Variants in CHCHD3 observed in about 807,000 individuals in gnomAD.
CHCHD3 encodes the protein MICOS complex subunit MIC19.
A neutral mutation model predicts 38.2 loss-of-function variants in CHCHD3; 20 were observed. That is an observed-to-expected ratio of 0.52 (90% CI 0.37 to 0.76). The LOEUF (loss-of-function observed/expected upper bound fraction) is 0.76. CHCHD3 is among the 30% of genes least tolerant of loss of function. CHCHD3 has a pLI of 0.00. For synonymous variants in CHCHD3, 82 were observed against 100.0 expected (o/e 0.82, Z 1.07); for missense variants, 245 against 279.2 (o/e 0.88, Z 0.87).
chr7:132,896,651 G>A (rs1290551007), intron 4 of CHCHD3, among the ~76,000 whole-genome samples: 1 of 152,102 alleles, frequency 6.6e-6, no homozygotes, highest in Non-Finnish European at 1.5e-5. Context: ...TCTAACACAA[G>A]CAGTCTTATC....
At chr7:132,985,011 G>A (rs1289657223) in intron 3 of CHCHD3, among the ~76,000 whole-genome samples, 2 of 89,492 alleles carry the variant, frequency 2.2e-5, no homozygotes, top group South Asian at 3.7e-4. Context: ...CAGCCGCCCC[G>A]TCTGGGAGGG....
intron 3 of CHCHD3, among the ~76,000 whole-genome samples, chr7:133,014,438 A>T (rs1812969053): frequency 6.6e-6 from 1 of 152,192 alleles, no homozygotes; most frequent in African/African-American, 2.4e-5. Flanking sequence ...AATTGCTCCC[A>T]TCGTGGCTGA....
chr7:132,879,909 A>C (rs1344666676), intron 5 of CHCHD3, among the ~76,000 whole-genome samples: 1 of 152,080 alleles, frequency 6.6e-6, no homozygotes, highest in Non-Finnish European at 1.5e-5. Context: ...TCGATATTAA[A>C]ATAACTCTTA....
At chr7:132,796,004 C>T (rs1345458959) in intron 7 of CHCHD3, among the ~76,000 whole-genome samples, 2 of 151,832 alleles carry the variant, frequency 1.3e-5, no homozygotes, top group African/African-American at 4.8e-5. Context: ...AAGCGTTGGA[C>T]AGTGACTGAA....
intron 2 of CHCHD3, among the ~76,000 whole-genome samples, chr7:133,027,443 AGGGAG>A (rs1319853899): frequency 8.6e-5 from 3 of 34,818 alleles, no homozygotes; most frequent in Admixed American, 4.3e-4. Flanking sequence ...GGAGGGAGGG[AGGGAG>A]GGGGGGAGAG....
intron 5 of CHCHD3, among the ~76,000 whole-genome samples, chr7:132,850,449 T>TG (rs1491163313): frequency 5.7e-5 from 2 of 35,002 alleles, no homozygotes; most frequent in African/African-American, 9.6e-5. Flanking sequence ...TTTTTTTTTT[T>TG]GTTTTTTTTT....
chr7:133,036,504 C>T (rs1190871203), intron 2 of CHCHD3, among the ~76,000 whole-genome samples: 1 of 151,944 alleles, frequency 6.6e-6, no homozygotes, highest in Admixed American at 6.6e-5. Flanking sequence ...GGGTATATAC[C>T]ATAGGATTGT....
intron 5 of CHCHD3, among the ~76,000 whole-genome samples, chr7:132,871,656 G>T (rs1808770077): frequency 6.6e-6 from 1 of 152,126 alleles, no homozygotes; most frequent in Admixed American, 6.6e-5. Flanking sequence ...AGGCAAGGTG[G>T]AAACTACACT....
At chr7:132,869,422 G>A (rs539579239) in intron 5 of CHCHD3, among the ~76,000 whole-genome samples, 2 of 152,232 alleles carry the variant, frequency 1.3e-5, no homozygotes, top group South Asian at 4.1e-4. Context: ...TCATTAGCTA[G>A]GGTGATTCAA....
intron 7 of CHCHD3, among the ~76,000 whole-genome samples, chr7:132,789,070 A>G (rs780232935): frequency 2.0e-5 from 3 of 152,154 alleles, no homozygotes; most frequent in Non-Finnish European, 4.4e-5. Flanking sequence ...AGGGATCCGT[A>G]GTCTGGTGGG....
intron 3 of CHCHD3, among the ~76,000 whole-genome samples, chr7:132,993,830 G>A (rs1278011024): frequency 6.6e-6 from 1 of 152,204 alleles, no homozygotes; most frequent in Non-Finnish European, 1.5e-5. Context: ...CACTTTGCCA[G>A]AACTAGCCCA....
At chr7:132,926,343 C>T (rs1417064697) in intron 4 of CHCHD3, among the ~76,000 whole-genome samples, 1 of 152,098 alleles carries the variant, frequency 6.6e-6, no homozygotes, top group African/African-American at 2.4e-5. Context: ...AGAAAGAGAA[C>T]ACCAGTTTCT....
At chr7:132,790,161 T>C (rs563265155) in intron 7 of CHCHD3, among the ~76,000 whole-genome samples, 3 of 152,294 alleles carry the variant, frequency 2.0e-5, no homozygotes, top group South Asian at 2.1e-4. Flanking sequence ...TTGGAGGAAA[T>C]AGAAGTTAAC....
At chr7:132,858,861 G>A (rs1426163605) in intron 5 of CHCHD3, among the ~76,000 whole-genome samples, 1 of 152,140 alleles carries the variant, frequency 6.6e-6, no homozygotes, top group African/African-American at 2.4e-5. Context: ...GCTTTACATA[G>A]ATTGTCTCAT....
chr7:133,024,429 C>T (rs914967163), intron 3 of CHCHD3, 117 bp downstream of exon 3: 5 of 826,126 alleles, frequency 6.1e-6, no homozygotes, highest in African/African-American at 1.7e-5. Context: ...GTGTTCAGCA[C>T]ATTCTGAAGT....
At chr7:132,923,887 CA>C (rs1810315750) in intron 4 of CHCHD3, among the ~76,000 whole-genome samples, 1 of 152,076 alleles carries the variant, frequency 6.6e-6, no homozygotes, top group Non-Finnish European at 1.5e-5. Context: ...AAAGATTAAG[CA>C]CAAAAATTAA....
At chr7:133,044,444 G>A (rs760356529) in intron 2 of CHCHD3, among the ~76,000 whole-genome samples, 2 of 152,112 alleles carry the variant, frequency 1.3e-5, no homozygotes, top group Non-Finnish European at 2.9e-5. Flanking sequence ...TAAGTTTCCT[G>A]ATAGGATGCA....
intron 3 of CHCHD3, among the ~76,000 whole-genome samples, chr7:133,017,620 T>A (rs1248277174): frequency 6.6e-6 from 1 of 152,196 alleles, no homozygotes; most frequent in Non-Finnish European, 1.5e-5. Flanking sequence ...GAACAAGAAG[T>A]GGTCAAACAT....
In CHCHD3 at chr7:132,820,684, G is replaced by C. The variant is rs1013846884; in HGVS notation, c.524+17715C>G. On this transcript the variant is annotated intron_variant, in intron 6 of 7. Transcript: ENST00000262570. ...CTTTTCTGAACTGCAGGGGTTAAAC[G>C]GGCTTTTGGGGACTAATCTAGACAC... Among the ~76,000 whole-genome samples the C allele has an allele frequency of 2.8e-5, 4 of 145,288 alleles. No individual in the cohort carries two copies. The Admixed American group carries it at 2.9e-4, about 10-fold the overall frequency.
Sources: allele counts gnomAD v4.1 joint callset (sites outside exome capture counted in the v4.1 genomes callset), GRCh38; gene constraint gnomAD v4.1.1; transcripts MANE v1.5; gene names NCBI Gene and HGNC (gene_info 2026-07-23, HGNC 2026-07-21).